The following PTPRN2 variants were observed in gnomAD, a reference collection of about 807,000 sequenced individuals.
The protein encoded by PTPRN2 is receptor-type tyrosine-protein phosphatase N2.
In PTPRN2, 74 loss-of-function variants were observed where a neutral mutation model predicts 118.8. The observed-to-expected ratio is 0.62, with a 90% CI of 0.52 to 0.76. The LOEUF is 0.76. Among genes scored for constraint, PTPRN2 ranks in the 30% least tolerant of loss-of-function variants. The pLI, the probability that PTPRN2 is intolerant of heterozygous loss-of-function variation, is 0.00. For synonymous variants in PTPRN2, 641 were observed against 608.0 expected (o/e 1.05, Z -0.80); for missense variants, 1,481 against 1,394.4 (o/e 1.06, Z -0.99).
chr7:158,489,745 G>C lies in PTPRN2; in HGVS notation c.153C>G (p.Ala51=), dbSNP rs1421685467. Residue 51 remains alanine (A), a synonymous_variant, in exon 2 of 23, where the codon GCC becomes GCG. Coordinates refer to ENST00000389418, the MANE Select transcript of PTPRN2 (RefSeq NM_002847.5). ...LEEGLCGASE[A]CVNDGVFGRC... The stretch of plus-strand genomic sequence containing the variant: ...GGACCCCACACTCACCGTTCACACA[G>C]GCCTCGGACGCTCCGCAGAGGCCCT... The C allele has an allele frequency of 6.3e-7, 1 of 1,583,758 alleles. No homozygotes were observed. The highest frequency in any genetic ancestry group is 1.3e-5 in the African/African-American group (1 of 74,274).
chr7:157,954,037 C>T (rs1462581453), intron 11 of PTPRN2, among the ~76,000 whole-genome samples: 1 of 152,194 alleles, frequency 6.6e-6, no homozygotes, highest in Admixed American at 6.5e-5. Context: ...GAGCCACTTC[C>T]AGTTTCCTGA....
chr7:158,033,459 G>A (rs118183012), intron 11 of PTPRN2, among the ~76,000 whole-genome samples: 2,056 of 152,282 alleles, frequency 0.014, 21 homozygotes, highest in Non-Finnish European at 0.02. Flanking sequence ...GGGCCCCTCG[G>A]ACCACACCTG....
intron 11 of PTPRN2, among the ~76,000 whole-genome samples, chr7:158,039,392 G>A (rs2128888410): frequency 6.6e-6 from 1 of 152,330 alleles, no homozygotes; most frequent in African/African-American, 2.4e-5. Context: ...TTCAGGCTGA[G>A]ACAGAGACCT....
rs529355212 is a variant in PTPRN2, at chr7:157,587,134, C to CACAGGCAGGCAGACAGGCAG, written c.2496+8084_2496+8103dup. Among the ~76,000 whole-genome samples the CACAGGCAGGCAGACAGGCAG allele has an allele frequency of 0.046, 7,034 of 151,672 alleles. 296 individuals carry two copies. Among genetic ancestry groups the CACAGGCAGGCAGACAGGCAG allele is most frequent in the East Asian group, 0.19 (975 of 5,124 alleles). The stretch of plus-strand genomic sequence containing the variant: ...AGCTGACACAGCAGACAGGCAGATA[C>CACAGGCAGGCAGACAGGCAG]ACAGGCAGGCAGACAGGCAGACAGG... On this transcript the variant is annotated intron_variant, in intron 17 of 22. Coordinates refer to ENST00000389418, the MANE Select transcript of PTPRN2 (RefSeq NM_002847.5). This position sits in a 1 kb window ranked among gnomAD's most constrained non-coding sequence, Gnocchi z 5.3.
At chr7:158,103,628 T>C (rs924467061) in intron 10 of PTPRN2, among the ~76,000 whole-genome samples, 2 of 152,178 alleles carry the variant, frequency 1.3e-5, no homozygotes, top group Non-Finnish European at 2.9e-5. Context: ...TCCGATTTGT[T>C]TGTCTCATGA....
chr7:158,208,816 A>G (rs1180505580), intron 3 of PTPRN2, among the ~76,000 whole-genome samples: 1 of 152,224 alleles, frequency 6.6e-6, no homozygotes, highest in Admixed American at 6.5e-5. Flanking sequence ...AGACTAAAAG[A>G]TGAACTTATC....
At chr7:157,892,882 G>A (rs1321935373) in intron 12 of PTPRN2, among the ~76,000 whole-genome samples, 1 of 152,126 alleles carries the variant, frequency 6.6e-6, no homozygotes, top group Non-Finnish European at 1.5e-5. Context: ...ATGCATCCAG[G>A]AATAAGGCCC....
rs116980848 is a variant in PTPRN2, at chr7:157,744,744, G to A, written c.1789-61807C>T. Among the ~76,000 whole-genome samples, 1,512 of 152,266 alleles carry A rather than the reference G, an allele frequency of 9.9e-3. 13 individuals are homozygous for A. The highest frequency in any genetic ancestry group is 0.02 in the Middle Eastern group (6 of 294). ...CCCCCAAGGACAGGTCTGTCTGCCTGGTGGACACTGAGTGAGGTGGAGGGG... is the reference window on the plus strand; with the variant it reads ...CCCCCAAGGACAGGTCTGTCTGCCTAGTGGACACTGAGTGAGGTGGAGGGG... On this transcript the variant is annotated intron_variant, in intron 12 of 22. Transcript: ENST00000389418.
intron 2 of PTPRN2, among the ~76,000 whole-genome samples, chr7:158,331,756 C>T (rs1168692867): frequency 4.6e-5 from 7 of 150,584 alleles, no homozygotes; most frequent in African/African-American, 1.5e-4. Context: ...GTCACTCAAA[C>T]TCACACTCTC....
At chr7:158,061,698 G>T (rs1482479853) in intron 11 of PTPRN2, among the ~76,000 whole-genome samples, 2 of 152,216 alleles carry the variant, frequency 1.3e-5, no homozygotes, top group Non-Finnish European at 2.9e-5. Context: ...TGCAATGGGG[G>T]TGTCCTTCAT....
chr7:158,227,684 C>T (rs1250722739), intron 3 of PTPRN2, among the ~76,000 whole-genome samples: 2 of 152,222 alleles, frequency 1.3e-5, no homozygotes, highest in Non-Finnish European at 2.9e-5. Flanking sequence ...GCAGCTTGCC[C>T]TCGCATCAGC....
chr7:158,451,672 G>A (rs186585810), intron 2 of PTPRN2, among the ~76,000 whole-genome samples: 5 of 152,242 alleles, frequency 3.3e-5, no homozygotes, highest in African/African-American at 7.2e-5. Flanking sequence ...TGTTTAGAAC[G>A]CTCGCGGTTT....
At chr7:157,563,961 T>C (rs1799354499) in intron 21 of PTPRN2, among the ~76,000 whole-genome samples, 1 of 152,240 alleles carries the variant, frequency 6.6e-6, no homozygotes, top group African/African-American at 2.4e-5. Flanking sequence ...GGCAGCAGGC[T>C]CTCTGCTCCA....
At chr7:157,707,014 C>T (rs554745271) in intron 12 of PTPRN2, among the ~76,000 whole-genome samples, 6 of 152,156 alleles carry the variant, frequency 3.9e-5, no homozygotes, top group South Asian at 4.2e-4. Flanking sequence ...CGGTGCCTTC[C>T]GGATCAAGGT....
At chr7:157,568,837 T>A in intron 21 of PTPRN2, 65 bp downstream of exon 21, 1 of 1,490,486 alleles carries the variant, frequency 6.7e-7, no homozygotes, top group South Asian at 1.1e-5. Context: ...CACGGCACCC[T>A]ACGTTGCCAT....
chr7:158,238,568 G>A (rs1347714451), intron 3 of PTPRN2, among the ~76,000 whole-genome samples: 1 of 152,140 alleles, frequency 6.6e-6, no homozygotes, highest in African/African-American at 2.4e-5. Flanking sequence ...TTTAGATTCA[G>A]GTCTTGTTAA....
At chr7:158,157,034 A>T (rs566909273) in intron 6 of PTPRN2, among the ~76,000 whole-genome samples, 2 of 126,636 alleles carry the variant, frequency 1.6e-5, no homozygotes, top group African/African-American at 6.2e-5. Context: ...TGAAAGGCCT[A>T]CCCATTGTGC....
At chr7:157,772,930 G>A (rs548409882) in intron 12 of PTPRN2, among the ~76,000 whole-genome samples, 23 of 152,292 alleles carry the variant, frequency 1.5e-4, no homozygotes, top group Admixed American at 1.4e-3. Flanking sequence ...TATGGTCCAG[G>A]CTGCATGCCG....
rs566334615 is a variant in PTPRN2 at position 158,412,826 on chromosome 7, G to A, written c.163+76909C>T. 4.6e-5 allele frequency among the ~76,000 whole-genome samples: 5 copies of A among 109,156 alleles called. No homozygotes were observed. In the East Asian group the frequency reaches 9.0e-4, roughly 20 times the overall value. 71.6% of individuals were successfully genotyped at this position (109,156 alleles called of 152,430 possible). On this transcript the variant is annotated intron_variant, in intron 2 of 22. Transcript: ENST00000389418. ...AGGGCCCATCTCAGCACCCTCCTCA[G>A]CTCCAGGGCCCATCCAGTGCCCTCC...
Sources: gnomAD v4.1 joint callset for allele counts (sites outside exome capture counted in the v4.1 genomes callset) on GRCh38, gnomAD v4.1.1 for gene constraint, Gnocchi (gnomAD v3.1) non-coding constraint, MANE v1.5 for transcripts, NCBI Gene and HGNC (gene_info 2026-07-23, HGNC 2026-07-21) for gene names.